SYBU: variants seen among roughly 807,000 people sequenced by gnomAD.
The protein encoded by SYBU is GOLSYN A protein.
Under a neutral mutation model 35.9 loss-of-function variants are expected in SYBU, and 21 were observed. That is an observed-to-expected ratio of 0.58 (90% CI 0.41 to 0.84). SYBU has a LOEUF of 0.84. Ranked by LOEUF, SYBU falls within the 40% of genes least tolerant of loss-of-function variation. SYBU has a pLI of 0.00. For synonymous variants in SYBU, 319 were observed against 324.3 expected (o/e 0.98, Z 0.18); for missense variants, 768 against 848.2 (o/e 0.91, Z 1.17).
intron 3 of SYBU, among the ~76,000 whole-genome samples, chr8:109,611,556 T>C (rs969165262): frequency 1.3e-5 from 2 of 152,208 alleles, no homozygotes; most frequent in Admixed American, 6.5e-5. Flanking sequence ...TGCTGTATCC[T>C]AGGGGAGCAT....
At chr8:109,634,723 A>G (rs1033119357) in intron 2 of SYBU, among the ~76,000 whole-genome samples, 1 of 152,218 alleles carries the variant, frequency 6.6e-6, no homozygotes, top group Non-Finnish European at 1.5e-5. Context: ...AAGAAATTTT[A>G]AAACCAGATA....
intron 1 of SYBU, among the ~76,000 whole-genome samples, chr8:109,658,908 T>G (rs1015925087): frequency 6.6e-6 from 1 of 151,862 alleles, no homozygotes; most frequent in Non-Finnish European, 1.5e-5. Flanking sequence ...GAGCAGAGAT[T>G]GCGCCACACT....
At chr8:109,611,429 C>T (rs1194436300) in intron 3 of SYBU, among the ~76,000 whole-genome samples, 1 of 143,020 alleles carries the variant, frequency 7.0e-6, no homozygotes, top group Admixed American at 6.9e-5. Context: ...AAATATGTAA[C>T]CCTGCCATAA....
At chr8:109,674,117 A>G (rs979815771) in intron 1 of SYBU, among the ~76,000 whole-genome samples, 1 of 152,232 alleles carries the variant, frequency 6.6e-6, no homozygotes. Flanking sequence ...TCAGGATATT[A>G]TCCAGGAGAA....
Position 109,574,630 on chromosome 8 carries a change from C to A in SYBU, c.*276G>T. 1 of 335,238 alleles carries A rather than the reference C, an allele frequency of 3.0e-6. No homozygotes were observed. Among genetic ancestry groups the A allele is most frequent in the Non-Finnish European group, 5.4e-6 (1 of 185,544 alleles). The allele number at this position is 335,238 out of a possible 1,614,324, so 20.8% of individuals were successfully genotyped here. A position where few individuals can be genotyped will look rare whatever the true frequency, so the allele number is the denominator to read the frequency against. ...CAAACTGCGTTTTCTCTTCCTGAAC[C>A]ACTAGGATAAGAACGGGTACCTCAG... On this transcript the variant is annotated 3_prime_UTR_variant, in exon 7 of 7. Transcript: ENST00000276646.
At chr8:109,608,259 C>A (rs549731006) in intron 3 of SYBU, among the ~76,000 whole-genome samples, 7 of 152,140 alleles carry the variant, frequency 4.6e-5, no homozygotes, top group Non-Finnish European at 1.0e-4. Context: ...GAAGTAAATG[C>A]CTACACAACA....
intron 1 of SYBU, among the ~76,000 whole-genome samples, chr8:109,677,692 G>A (rs1284214929): frequency 6.6e-6 from 1 of 152,162 alleles, no homozygotes; most frequent in African/African-American, 2.4e-5. Context: ...AATTCTTTCA[G>A]CAACCCTATA....
intron 1 of SYBU, among the ~76,000 whole-genome samples, chr8:109,676,407 T>G (rs1817191844): frequency 6.6e-6 from 1 of 152,124 alleles, no homozygotes; most frequent in Non-Finnish European, 1.5e-5. Context: ...CAGCCCAAAA[T>G]CTCCTTAAGC....
intron 1 of SYBU, among the ~76,000 whole-genome samples, chr8:109,669,341 A>C (rs1251252767): frequency 1.7e-5 from 1 of 59,188 alleles, no homozygotes; most frequent in Non-Finnish European, 2.9e-5. Flanking sequence ...GACTCCGTCA[A>C]AAAAAAAAAA....
chr8:109,607,808 TCACACACACACACA>T (rs71305960), intron 3 of SYBU: 524 of 377,056 alleles, frequency 1.4e-3, no homozygotes, highest in South Asian at 6.8e-3. Context: ...CACAACTAAC[TCACACACACACACA>T]CACACACACA....
chr8:109,662,576 G>C (rs3134319), intron 1 of SYBU, among the ~76,000 whole-genome samples: 47,355 of 151,958 alleles, frequency 0.31, 8,717 homozygotes, highest in East Asian at 0.52. Flanking sequence ...CTCTCCCAGA[G>C]TCTAACCTAT....
At chr8:109,667,306 C>T (rs980444065) in intron 1 of SYBU, among the ~76,000 whole-genome samples, 8 of 151,854 alleles carry the variant, frequency 5.3e-5, no homozygotes, top group South Asian at 2.1e-4. Context: ...TTAGTAGAGA[C>T]GGGGTTTCAC....
rs561306405 is a variant in SYBU, at chr8:109,599,052, C to G, written c.428-12890G>C. On this transcript the variant is annotated intron_variant, in intron 3 of 6. Coordinates refer to ENST00000276646, the MANE Select transcript of SYBU (RefSeq NM_001099754.2). ...GGGCAATTTTGCCACCCTCACCCCC[C>G]ATCCCACCCAAAGTGTTTGCTTGCA... Among the ~76,000 whole-genome samples the G allele has an allele frequency of 1.3e-4, 20 of 152,316 alleles. No individual in the cohort carries two copies. In the South Asian group the frequency reaches 3.3e-3, roughly 25 times the overall value.
intron 3 of SYBU, among the ~76,000 whole-genome samples, chr8:109,618,372 C>A (rs986858243): frequency 2.0e-5 from 3 of 152,136 alleles, no homozygotes; most frequent in Non-Finnish European, 2.9e-5. Flanking sequence ...ATATTTAAAT[C>A]TCTAAAAGAC....
Position 109,575,361 on chromosome 8 carries a change from G to T in SYBU, c.1537C>A (p.Pro513Thr). The T allele has an allele frequency of 6.2e-7, 1 of 1,614,124 alleles. No individual in the cohort carries two copies. The change falls in exon 7 of 7, where the codon CCC (proline) becomes ACC (threonine). Residue 513 changes from proline (P) to threonine (T), a missense_variant. By Grantham distance (38) the Pro-to-Thr change is conservative. Coordinates refer to ENST00000276646, the MANE Select transcript of SYBU (RefSeq NM_001099754.2). Reference sequence around the variant, plus strand: ...GGGGACGCCAAGCTCGAGGGACAGGGGTCCTGGAGCTTCTGCAGCACACTC... The same window carrying T: ...GGGGACGCCAAGCTCGAGGGACAGGTGTCCTGGAGCTTCTGCAGCACACTC... ...IQSVLQKLQD[P>T]CPSSLASPDE...
intron 2 of SYBU, among the ~76,000 whole-genome samples, chr8:109,623,556 C>T (rs78960511): frequency 2.6e-5 from 4 of 151,896 alleles, no homozygotes; most frequent in Non-Finnish European, 5.9e-5. Context: ...AAGACAGATG[C>T]GAAAAACCAG....
rs73317043 is a variant in SYBU at position 109,574,250 on chromosome 8, G to T, written c.*656C>A. Reference sequence around the variant, plus strand: ...CTTTATTTTCATCATGCTGAAGTGTGTGGTTACAATTTCCAATAAAACACT... The same window carrying T: ...CTTTATTTTCATCATGCTGAAGTGTTTGGTTACAATTTCCAATAAAACACT... On this transcript the variant is annotated 3_prime_UTR_variant, in exon 7 of 7. Coordinates refer to ENST00000276646, the MANE Select transcript of SYBU (RefSeq NM_001099754.2). 0.09 allele frequency: 13,684 copies of T among 152,638 alleles called. 1,625 individuals carry two copies. Among genetic ancestry groups the T allele is most frequent in the African/African-American group, 0.27 (11,390 of 41,482 alleles). 9.5% of individuals were successfully genotyped at this position (152,638 alleles called of 1,614,324 possible). A position where few individuals can be genotyped will look rare whatever the true frequency, so the allele number is the denominator to read the frequency against.
At chr8:109,590,066 C>A (rs756167065) in intron 3 of SYBU, among the ~76,000 whole-genome samples, 2 of 152,038 alleles carry the variant, frequency 1.3e-5, no homozygotes, top group Admixed American at 6.6e-5. Context: ...CCCATCCCCC[C>A]AAAATACACA....
intron 3 of SYBU, among the ~76,000 whole-genome samples, chr8:109,600,360 C>G (rs1459479853): frequency 6.6e-6 from 1 of 152,146 alleles, no homozygotes; most frequent in Non-Finnish European, 1.5e-5. Context: ...CTACTTCCAG[C>G]CTGTATGCCC....
Sources: allele counts gnomAD v4.1 joint callset (sites outside exome capture counted in the v4.1 genomes callset), GRCh38; gene constraint gnomAD v4.1.1; transcripts MANE v1.5; gene names NCBI Gene and HGNC (gene_info 2026-07-23, HGNC 2026-07-21).